SOS2: variants seen among roughly 807,000 people sequenced by gnomAD.
SOS2 encodes son of sevenless homolog 2.
A neutral mutation model predicts 148.2 loss-of-function variants in SOS2; 65 were observed. The observed-to-expected ratio is 0.44, with a 90% confidence interval of 0.36 to 0.54. SOS2 has a LOEUF of 0.54. SOS2 is among the 20% of genes least tolerant of loss of function. The probability of loss-of-function intolerance (pLI) is 0.00; values close to 1 mark genes in which losing one functional copy is unlikely to be tolerated. For synonymous variants in SOS2, 539 were observed against 537.1 expected (o/e 1.00, Z -0.05); for missense variants, 1,341 against 1,590.2 (o/e 0.84, Z 2.67).
intron 1 of SOS2, among the ~76,000 whole-genome samples, chr14:50,205,157 C>T (rs937267827): frequency 2.6e-5 from 4 of 152,122 alleles, no homozygotes; most frequent in African/African-American, 7.2e-5. Context: ...TCAAGCAACC[C>T]TCCCACCTCA....
Position 50,118,326 on chromosome 14 carries a change from G to T in SOS2, c.*18C>A. 1.9e-6 allele frequency: 3 copies of T among 1,584,052 alleles called. No individual in the cohort carries two copies. The South Asian group carries it at 3.4e-5, about 18-fold the overall frequency. Reference sequence around the variant, plus strand: ...TTACAAATACCATTCCAGTGTCAATGACTACATATGGCTAAGGTCATTGGG... The same window carrying T: ...TTACAAATACCATTCCAGTGTCAATTACTACATATGGCTAAGGTCATTGGG... On this transcript the variant is annotated 3_prime_UTR_variant, in exon 23 of 23. Coordinates refer to ENST00000216373, the MANE Select transcript of SOS2 (RefSeq NM_006939.4).
At chr14:50,186,783 T>C (rs1264542989) in intron 5 of SOS2, among the ~76,000 whole-genome samples, 1 of 152,192 alleles carries the variant, frequency 6.6e-6, no homozygotes, top group Admixed American at 6.5e-5. Context: ...GTAGGAGTTA[T>C]TATAAACATT....
intron 12 of SOS2, 104 bp from the exon 13 acceptor site, chr14:50,153,277 T>C: frequency 3.1e-6 from 2 of 647,436 alleles, no homozygotes; most frequent in Admixed American, 2.5e-5. Flanking sequence ...AGGGTCAACA[T>C]AATACTCAAA....
chr14:50,184,812 C>T (rs1885854940), intron 5 of SOS2, among the ~76,000 whole-genome samples: 1 of 137,184 alleles, frequency 7.3e-6, no homozygotes, highest in Admixed American at 8.3e-5. Flanking sequence ...TATGGTGAGC[C>T]AAGATGGTGC....
chr14:50,198,722 T>C (rs966193201), intron 4 of SOS2, among the ~76,000 whole-genome samples: 1 of 152,252 alleles, frequency 6.6e-6, no homozygotes, highest in Non-Finnish European at 1.5e-5. Context: ...TCACCCGTGC[T>C]AAAGTTCATT....
At chr14:50,145,851 A>G (rs1170347104) in intron 14 of SOS2, among the ~76,000 whole-genome samples, 3 of 152,080 alleles carry the variant, frequency 2.0e-5, no homozygotes, top group Non-Finnish European at 4.4e-5. Flanking sequence ...CTGATAACTC[A>G]AGGCCAGGCG....
At position 50,118,634 on chromosome 14, in the gene SOS2, G is replaced by A. The variant is rs1178375270; in HGVS notation, c.3709C>T (p.Pro1237Ser). The A allele has an allele frequency of 1.9e-6, 3 of 1,613,984 alleles. No individual in the cohort carries two copies. The highest frequency in any genetic ancestry group is 1.7e-6 in the Non-Finnish European group (2 of 1,180,032). Reference sequence around the variant, plus strand: ...TCTCTGTGAAGATGCCCCAGTGGAGGTGGCTGAAGATTAAATGGACAGTTT... The same window carrying A: ...TCTCTGTGAAGATGCCCCAGTGGAGATGGCTGAAGATTAAATGGACAGTTT... ...FINCPFNLQP[P>S]PLGHLHRDSD... The change falls in exon 23 of 23, where the codon CCT becomes TCT. Residue 1237 changes from proline (P) to serine (S), a missense_variant. Pro to Ser is a moderately conservative substitution (Grantham distance 74, BLOSUM62 -1). Around this residue, in one of 4 missense-constraint regions of SOS2, gnomAD observed 354 missense variants for 347.7 expected, o/e 1.02. Coordinates refer to ENST00000216373, the MANE Select transcript of SOS2 (RefSeq NM_006939.4).
chr14:50,152,887 C>A (rs569290988), intron 13 of SOS2, among the ~76,000 whole-genome samples, 183 bp downstream of exon 13: 1 of 151,896 alleles, frequency 6.6e-6, no homozygotes, highest in Non-Finnish European at 1.5e-5. Context: ...ATCACTTGAA[C>A]CTGGGAGGCG....
In SOS2 at chr14:50,174,499, C is replaced by A; in HGVS notation, c.1023G>T (p.Met341Ile). 1 of 1,610,872 alleles carries A rather than the reference C, an allele frequency of 6.2e-7. No homozygotes were observed. The highest frequency in any genetic ancestry group is 8.5e-7 in the Non-Finnish European group (1 of 1,177,930). ...GCCAACAGTGATACACTGGCACCAG[C>A]ATAAGACGTGGAAGGACATAACGAA... ...EAVRYVLPRL[M>I]LVPVYHCWHY... Residue 341 changes from methionine (M) to isoleucine (I), a missense_variant, in exon 8 of 23, where the codon ATG becomes ATT. Met to Ile is a conservative substitution (Grantham distance 10). Coordinates refer to ENST00000216373, the MANE Select transcript of SOS2 (RefSeq NM_006939.4).
intron 6 of SOS2, among the ~76,000 whole-genome samples, chr14:50,181,614 A>T (rs1336852075): frequency 6.6e-6 from 1 of 152,146 alleles, no homozygotes; most frequent in East Asian, 1.9e-4. Flanking sequence ...ATACTTAAAA[A>T]TTGTGTTGAA....
In SOS2 at chr14:50,159,441, A is replaced by G. The variant is rs1313301990; in HGVS notation, c.1842T>C (p.His614=). ...ATGAGTTTCACATACCTGCATACAT[A>G]TGATATGTTAACCTTTCAATTAATT... ...VVKLIERLTY[H]MYADPNFVRT... The change falls in exon 10 of 23, where the codon CAT becomes CAC. Residue 614 remains histidine (H), a synonymous_variant. Transcript: ENST00000216373. 1.2e-6 allele frequency: 2 copies of G among 1,605,188 alleles called. No individual in the cohort carries two copies. The highest frequency in any genetic ancestry group is 1.7e-6 in the Non-Finnish European group (2 of 1,173,858).
At position 50,130,625 on chromosome 14, in the gene SOS2, A is replaced by C. The variant is rs767333305; in HGVS notation, c.3213T>G (p.Ile1071Met). 6.2e-7 allele frequency: 1 copy of C among 1,614,214 alleles called. No homozygotes were observed. Among genetic ancestry groups the C allele is most frequent in the South Asian group, 1.1e-5 (1 of 91,086 alleles). Reference sequence around the variant, plus strand: ...CTGTTGATTCCAGCTCAGTTTCAGCAATCCGACTAAAGCTTATTTTACATG... The same window carrying C: ...CTGTTGATTCCAGCTCAGTTTCAGCCATCCGACTAAAGCTTATTTTACATG... ...REPCKISFSR[I>M]AETELESTVS... is the part of the protein sequence containing the mutation. The change falls in exon 20 of 23, where the codon ATT (isoleucine) becomes ATG (methionine). Residue 1071 changes from isoleucine to methionine, a missense_variant. Around this residue, in one of 4 missense-constraint regions of SOS2, gnomAD observed 354 missense variants for 347.7 expected, o/e 1.02. Transcript: ENST00000216373.
chr14:50,182,286 G>T (rs1304849690), intron 6 of SOS2, among the ~76,000 whole-genome samples, 177 bp downstream of exon 6: 4 of 119,498 alleles, frequency 3.3e-5, no homozygotes, highest in African/African-American at 7.2e-5. Context: ...GATCTCCCAG[G>T]CTTCCTACCT....
chr14:50,157,151 C>T (rs746732501), intron 11 of SOS2, 30 bp from the exon 12 acceptor site: 12 of 1,599,580 alleles, frequency 7.5e-6, no homozygotes, highest in South Asian at 2.2e-5. Context: ...GAGAAAAATC[C>T]GTTCATACAT....
chr14:50,128,031 A>G (rs557915061), intron 21 of SOS2, among the ~76,000 whole-genome samples: 10 of 152,364 alleles, frequency 6.6e-5, no homozygotes, highest in African/African-American at 2.2e-4. Context: ...CATATATGCA[A>G]TAACTTAAAA....
intron 18 of SOS2, among the ~76,000 whole-genome samples, chr14:50,134,847 G>C (rs1466557145): frequency 1.3e-5 from 2 of 152,022 alleles, no homozygotes; most frequent in African/African-American, 4.8e-5. Context: ...GCTGAGGTGG[G>C]TGGATCACCT....
chr14:50,180,620 T>C lies in SOS2; in HGVS notation c.921A>G (p.Glu307=), dbSNP rs775892623. 2 of 1,604,928 alleles carry C rather than the reference T, an allele frequency of 1.2e-6. No individual in the cohort carries two copies. The highest frequency in any genetic ancestry group is 2.2e-5 in the South Asian group (2 of 89,420). ...GTCTGGCCATCAATTTATTGAAATG[T>C]TCATGAAACTCTGGTGAAAGAATGT... ...SQDILSPEFH[E]HFNKLMARPA... Residue 307 remains glutamate, a synonymous_variant, in exon 7 of 23, where the codon GAA becomes GAG. Transcript: ENST00000216373.
rs909262973 is a variant in SOS2, at chr14:50,118,290, A to G, written c.*54T>C. ...ACTATGTCTTTTTTTGAATAAATTA[A>G]AAAAAAAACTTTACAAATACCATTC... On this transcript the variant is annotated 3_prime_UTR_variant, in exon 23 of 23. Coordinates refer to ENST00000216373, the MANE Select transcript of SOS2 (RefSeq NM_006939.4). The G allele has an allele frequency of 2.2e-5, 32 of 1,440,346 alleles. No homozygotes were observed. Among genetic ancestry groups the G allele is most frequent in the Non-Finnish European group, 2.5e-5 (27 of 1,065,056 alleles). 89.2% of individuals were successfully genotyped at this position (1,440,346 alleles called of 1,614,324 possible). A position where few individuals can be genotyped will look rare whatever the true frequency, so the allele number is the denominator to read the frequency against.
At chr14:50,131,756 A>G (rs77180598) in intron 19 of SOS2, among the ~76,000 whole-genome samples, 3,133 of 152,330 alleles carry the variant, frequency 0.021, 72 homozygotes, top group Non-Finnish European at 0.026. Context: ...ACAATGCCCC[A>G]AAGAAATCAG....
Sources: gnomAD v4.1 joint callset for allele counts (sites outside exome capture counted in the v4.1 genomes callset) on GRCh38, gnomAD v4.1.1 for gene constraint, gnomAD v4.1.1 regional missense constraint, MANE v1.5 for transcripts, NCBI Gene and HGNC (gene_info 2026-07-23, HGNC 2026-07-21) for gene names.